TBC1D22A: variants seen among roughly 807,000 people sequenced by gnomAD.
TBC1D22A encodes the protein putative GTPase activator.
TBC1D22A carries 38 observed loss-of-function variants against 60.2 expected under a neutral mutation model. The observed-to-expected ratio is 0.63, with a 90% CI of 0.49 to 0.83. The LOEUF is 0.83. Among genes scored for constraint, TBC1D22A ranks in the 40% least tolerant of loss-of-function variants. The pLI, the probability that TBC1D22A is intolerant of heterozygous loss-of-function variation, is 0.00. For missense variants in TBC1D22A, 628 were observed against 701.0 expected (o/e 0.90, Z 1.18); for synonymous variants, 302 against 281.7 (o/e 1.07, Z -0.72).
At chr22:46,852,087 G>T (rs5769181) in intron 4 of TBC1D22A, among the ~76,000 whole-genome samples, 2 of 152,308 alleles carry the variant, frequency 1.3e-5, no homozygotes, top group East Asian at 3.9e-4. Context: ...TACAGCTCTG[G>T]TGGTTTCTGG....
chr22:47,073,742 G>A (rs57598460), intron 11 of TBC1D22A, among the ~76,000 whole-genome samples: 1,593 of 152,276 alleles, frequency 0.01, 32 homozygotes, highest in African/African-American at 0.036. Flanking sequence ...AAGTCTGCGT[G>A]TCGTTAATAC....
At chr22:47,131,764 G>T (rs561799002) in intron 12 of TBC1D22A, among the ~76,000 whole-genome samples, 106 of 152,334 alleles carry the variant, frequency 7.0e-4, no homozygotes, top group Middle Eastern at 3.4e-3. Flanking sequence ...AGTGCACAGT[G>T]ACCCTGGCTC....
chr22:46,885,036 T>C (rs532293733), intron 5 of TBC1D22A, among the ~76,000 whole-genome samples: 1 of 152,266 alleles, frequency 6.6e-6, no homozygotes, highest in South Asian at 2.1e-4. Context: ...AATGATGTGA[T>C]TGTCACAGAG....
chr22:46,945,659 A>AGTCC (rs2072490019), intron 8 of TBC1D22A, among the ~76,000 whole-genome samples: 1 of 152,130 alleles, frequency 6.6e-6, no homozygotes, highest in African/African-American at 2.4e-5. Flanking sequence ...CCAGCCTCCG[A>AGTCC]GTCCTTCTGC....
intron 1 of TBC1D22A, among the ~76,000 whole-genome samples, chr22:46,782,291 G>T (rs2083973646): frequency 6.6e-6 from 1 of 152,208 alleles, no homozygotes; most frequent in African/African-American, 2.4e-5. Context: ...TTGACCTTGT[G>T]ATCTGCCTGC....
chr22:47,086,158 G>A (rs959568912), intron 11 of TBC1D22A, among the ~76,000 whole-genome samples: 4 of 152,136 alleles, frequency 2.6e-5, no homozygotes, highest in South Asian at 2.1e-4. Flanking sequence ...ATTTTCTACC[G>A]TAAATTAAAA....
At chr22:46,859,001 G>A (rs900456747) in intron 4 of TBC1D22A, among the ~76,000 whole-genome samples, 1 of 126,968 alleles carries the variant, frequency 7.9e-6, no homozygotes, top group African/African-American at 2.9e-5. Flanking sequence ...GCCCCTTCCC[G>A]GGACCAGAAT....
intron 9 of TBC1D22A, among the ~76,000 whole-genome samples, chr22:46,979,823 A>G (rs1024742823): frequency 6.6e-5 from 10 of 152,254 alleles, no homozygotes; most frequent in African/African-American, 1.9e-4. Context: ...CCTTCATGTT[A>G]CTATGACAGC....
At chr22:46,784,227 A>G (rs1190757582) in intron 1 of TBC1D22A, among the ~76,000 whole-genome samples, 1 of 151,932 alleles carries the variant, frequency 6.6e-6, no homozygotes, top group African/African-American at 2.4e-5. Flanking sequence ...TTTTTTTGGT[A>G]GAGATGGGGT....
chr22:46,794,253 A>G (rs1169328541), intron 3 of TBC1D22A, among the ~76,000 whole-genome samples: 1 of 152,202 alleles, frequency 6.6e-6, no homozygotes, highest in Admixed American at 6.5e-5. Context: ...CCGAGGGGTC[A>G]GGCCTCTGCA....
intron 1 of TBC1D22A, among the ~76,000 whole-genome samples, chr22:46,780,243 G>A (rs1223804967): frequency 6.6e-6 from 1 of 152,286 alleles, no homozygotes; most frequent in Non-Finnish European, 1.5e-5. Flanking sequence ...GCCATCAAAT[G>A]AATTTGACTA....
At chr22:46,771,112 G>T (rs143899215) in intron 1 of TBC1D22A, among the ~76,000 whole-genome samples, 1 of 152,016 alleles carries the variant, frequency 6.6e-6, no homozygotes, top group Non-Finnish European at 1.5e-5. Context: ...TTACATATTC[G>T]TCTGATAGAG....
At chr22:46,894,660 C>T (rs2068576066) in intron 6 of TBC1D22A, 124 bp from the exon 7 acceptor site, 3 of 1,151,466 alleles carry the variant, frequency 2.6e-6, no homozygotes, top group Non-Finnish European at 3.8e-6. Context: ...AACGAGAATC[C>T]TCAAGGAGAG....
intron 8 of TBC1D22A, among the ~76,000 whole-genome samples, chr22:46,974,027 G>A (rs1315343856): frequency 1.3e-5 from 2 of 152,202 alleles, no homozygotes; most frequent in Non-Finnish European, 2.9e-5. Flanking sequence ...AAATGCCTGA[G>A]AAGCAATAGT....
chr22:46,929,149 C>T (rs1015394715), intron 8 of TBC1D22A, among the ~76,000 whole-genome samples: 10 of 152,264 alleles, frequency 6.6e-5, no homozygotes, highest in East Asian at 1.9e-4. Flanking sequence ...CTCATTATCC[C>T]GTTGTAAGGA....
At chr22:47,051,447 C>G (rs1227908242) in intron 11 of TBC1D22A, among the ~76,000 whole-genome samples, 4 of 152,202 alleles carry the variant, frequency 2.6e-5, no homozygotes, top group Non-Finnish European at 4.4e-5. Context: ...CAGCCGTGCT[C>G]TCTGGATCCT....
chr22:47,159,423 C>G (rs545182325), intron 12 of TBC1D22A, among the ~76,000 whole-genome samples: 1 of 151,046 alleles, frequency 6.6e-6, no homozygotes, highest in African/African-American at 2.4e-5. Flanking sequence ...TACACACAGA[C>G]ACCATACAAA....
chr22:46,762,776 G>A lies in TBC1D22A; in HGVS notation c.-11G>A, dbSNP rs1206827554. 5.6e-6 allele frequency: 8 copies of A among 1,441,056 alleles called. No homozygotes were observed. Among genetic ancestry groups the A allele is most frequent in the South Asian group, 1.5e-5 (1 of 66,944 alleles). 89.3% of individuals were successfully genotyped at this position (1,441,056 alleles called of 1,614,324 possible). Reference sequence around the variant, plus strand: ...TGTCTGGGCCGCGGGTCTGAGGGATGAGGAGGGGCCATGGCCAGCGACGGG... The same window carrying A: ...TGTCTGGGCCGCGGGTCTGAGGGATAAGGAGGGGCCATGGCCAGCGACGGG... On this transcript the variant is annotated 5_prime_UTR_variant, in exon 1 of 13. An upstream start codon of the reference 5' UTR is lost. Coordinates refer to ENST00000337137, the MANE Select transcript of TBC1D22A (RefSeq NM_014346.5).
intron 8 of TBC1D22A, among the ~76,000 whole-genome samples, chr22:46,959,053 G>C (rs1197310378): frequency 6.6e-6 from 1 of 152,168 alleles, no homozygotes; most frequent in Non-Finnish European, 1.5e-5. Context: ...TCAGTTATGA[G>C]AATGTGTGCT....
Sources: allele counts gnomAD v4.1 joint callset (sites outside exome capture counted in the v4.1 genomes callset), GRCh38; gene constraint gnomAD v4.1.1; transcripts MANE v1.5; gene names NCBI Gene and HGNC (gene_info 2026-07-23, HGNC 2026-07-21).